Variants in CSMD1 observed in about 807,000 individuals in gnomAD.
CSMD1 encodes the protein CUB and sushi domain-containing protein 1.
CSMD1 carries 213 observed loss-of-function variants against 417.5 expected under a neutral mutation model. The ratio of observed to expected loss-of-function variants is 0.51; its 90% confidence interval spans 0.46 to 0.57. The LOEUF (loss-of-function observed/expected upper bound fraction) is 0.57, where lower values mean the gene tolerates loss of function less well. CSMD1 is among the 20% of genes least tolerant of loss of function. The pLI is 0.00. For synonymous variants in CSMD1, 2,862 were observed against 1,736.8 expected (o/e 1.65, Z -16.11); for missense variants, 6,923 against 4,529.7 (o/e 1.53, Z -15.17).
At position 3,781,295 on chromosome 8, in the gene CSMD1, A is replaced by G. The variant is rs138611068; in HGVS notation, c.819-27253T>C. 1.0e-3 allele frequency among the ~76,000 whole-genome samples: 158 copies of G among 152,290 alleles called. 2 individuals are homozygous for G. In the South Asian group the frequency reaches 0.012, roughly 12 times the overall value. On this transcript the variant is annotated intron_variant, in intron 5 of 69. Transcript: ENST00000635120. ...CATGCCGAGAGAATATGGTATGAATATACAATATTCATACATGTCTTTGTT... is the reference window on the plus strand; with the variant it reads ...CATGCCGAGAGAATATGGTATGAATGTACAATATTCATACATGTCTTTGTT...
In CSMD1 at chr8:3,204,580, G is replaced by C. The variant is rs778543982; in HGVS notation, c.4984+924C>G. On this transcript the variant is annotated intron_variant, in intron 31 of 69. Coordinates refer to ENST00000635120, the MANE Select transcript of CSMD1 (RefSeq NM_033225.6). ...GAGGGTGTGCATTACATTCGTAAGA[G>C]GCCCGGGAATCATGACACAATAGAA... 3.9e-5 allele frequency among the ~76,000 whole-genome samples: 6 copies of C among 152,078 alleles called. No individual in the cohort carries two copies. In the East Asian group the frequency reaches 1.2e-3, roughly 29 times the overall value.
chr8:3,624,354 G>C (rs2449224), intron 7 of CSMD1, among the ~76,000 whole-genome samples: 10,653 of 152,208 alleles, frequency 0.07, 448 homozygotes, highest in Non-Finnish European at 0.09. Flanking sequence ...AGATTGGCTT[G>C]AATGTTAAAT....
intron 47 of CSMD1, among the ~76,000 whole-genome samples, chr8:3,093,194 T>C (rs1390217102): frequency 6.6e-6 from 1 of 151,894 alleles, no homozygotes; most frequent in Non-Finnish European, 1.5e-5. Flanking sequence ...TTAAACGAGG[T>C]AGTATGGGTG....
At chr8:4,431,138 G>A (rs186604993) in intron 2 of CSMD1, among the ~76,000 whole-genome samples, 2 of 151,970 alleles carry the variant, frequency 1.3e-5, no homozygotes, top group South Asian at 2.1e-4. Context: ...AAGAGGTGAG[G>A]CTCTAAATGA....
intron 10 of CSMD1, among the ~76,000 whole-genome samples, chr8:3,518,046 TATC>T (rs1193578523): frequency 6.6e-6 from 1 of 152,156 alleles, no homozygotes. Context: ...CAAGAAGATT[TATC>T]ATCAGATTCA....
intron 7 of CSMD1, among the ~76,000 whole-genome samples, chr8:3,647,444 T>C (rs1458959458): frequency 6.6e-6 from 1 of 151,788 alleles, no homozygotes; most frequent in African/African-American, 2.4e-5. Context: ...ATACAGTACA[T>C]AGAGAAATAC....
intron 1 of CSMD1, among the ~76,000 whole-genome samples, chr8:4,707,522 T>A (rs1020645426): frequency 2.6e-5 from 4 of 152,038 alleles, no homozygotes; most frequent in Non-Finnish European, 5.9e-5. Context: ...CCGTGAACAG[T>A]TAAATGGAGA....
chr8:4,636,601 A>G (rs892185628), intron 2 of CSMD1, among the ~76,000 whole-genome samples: 3 of 152,220 alleles, frequency 2.0e-5, no homozygotes, highest in Admixed American at 1.3e-4. Context: ...TTGCTTAAAA[A>G]CAATGGTGTA....
chr8:4,146,095 C>T (rs1452066896), intron 3 of CSMD1, among the ~76,000 whole-genome samples: 2 of 150,920 alleles, frequency 1.3e-5, no homozygotes, highest in Non-Finnish European at 2.9e-5. Flanking sequence ...CTGCCTCCCA[C>T]ACACCAACAT....
At chr8:4,930,821 T>G (rs906393223) in intron 1 of CSMD1, among the ~76,000 whole-genome samples, 1 of 152,252 alleles carries the variant, frequency 6.6e-6, no homozygotes, top group Non-Finnish European at 1.5e-5. Context: ...TTATTTGATG[T>G]GTGACCATTG....
At chr8:3,911,909 T>G (rs1207765509) in intron 5 of CSMD1, among the ~76,000 whole-genome samples, 4 of 152,230 alleles carry the variant, frequency 2.6e-5, no homozygotes, top group Non-Finnish European at 5.9e-5. Context: ...ACCATCATTT[T>G]CCAAAGGATT....
intron 9 of CSMD1, among the ~76,000 whole-genome samples, chr8:3,579,781 G>C (rs1463187725): frequency 2.0e-5 from 3 of 152,158 alleles, no homozygotes; most frequent in East Asian, 3.9e-4. Flanking sequence ...AATAAAAGAA[G>C]ACAATAAAGC....
intron 3 of CSMD1, among the ~76,000 whole-genome samples, chr8:4,349,776 A>G (rs922337124): frequency 6.6e-6 from 1 of 151,616 alleles, no homozygotes; most frequent in East Asian, 1.9e-4. Context: ...CTCCATTAAG[A>G]TATTTATTTG....
chr8:4,543,173 T>C (rs909243120), intron 2 of CSMD1, among the ~76,000 whole-genome samples: 1 of 152,192 alleles, frequency 6.6e-6, no homozygotes, highest in Admixed American at 6.5e-5. Context: ...ATTATTGACA[T>C]TCTATTTCTT....
At chr8:3,316,945 C>G (rs1563265468) in intron 23 of CSMD1, among the ~76,000 whole-genome samples, 1 of 152,064 alleles carries the variant, frequency 6.6e-6, no homozygotes, top group Admixed American at 6.5e-5. Flanking sequence ...TTATTTAGTG[C>G]TGGAAAGGAG....
chr8:3,023,131 A>G (rs1809581001), intron 51 of CSMD1, among the ~76,000 whole-genome samples: 1 of 152,256 alleles, frequency 6.6e-6, no homozygotes. Context: ...TAGACGAAAT[A>G]CATCTGCTGA....
At chr8:3,461,288 T>G (rs1816484120) in intron 12 of CSMD1, among the ~76,000 whole-genome samples, 1 of 152,076 alleles carries the variant, frequency 6.6e-6, no homozygotes, top group South Asian at 2.1e-4. Flanking sequence ...AGAAGGCTTT[T>G]GCTGGATAGA....
At chr8:4,947,692 T>G (rs1808461766) in intron 1 of CSMD1, among the ~76,000 whole-genome samples, 1 of 152,158 alleles carries the variant, frequency 6.6e-6, no homozygotes. Context: ...AAAAATAAAT[T>G]CATCATAAAT....
chr8:4,457,729 C>A (rs763536120), intron 2 of CSMD1, among the ~76,000 whole-genome samples: 1 of 152,156 alleles, frequency 6.6e-6, no homozygotes, highest in Non-Finnish European at 1.5e-5. Context: ...CCTTCATGTG[C>A]TCCTCTGTAT....
Sources: gnomAD v4.1 joint callset for allele counts (sites outside exome capture counted in the v4.1 genomes callset) on GRCh38, gnomAD v4.1.1 for gene constraint, MANE v1.5 for transcripts, NCBI Gene and HGNC (gene_info 2026-07-23, HGNC 2026-07-21) for gene names.